The following ANK2 variants were observed in gnomAD, a reference collection of about 807,000 sequenced individuals.
The protein encoded by ANK2 is ankyrin 2.
In ANK2, 83 loss-of-function variants were observed where a neutral mutation model predicts 360.5. The ratio of observed to expected loss-of-function variants is 0.23; its 90% CI spans 0.19 to 0.28. The LOEUF (loss-of-function observed/expected upper bound fraction) is 0.28, where lower values mean the gene tolerates loss of function less well. ANK2 is among the 10% of genes least tolerant of loss of function. ANK2 has a pLI of 1.00. For synonymous variants in ANK2, 1,740 were observed against 1,759.5 expected (o/e 0.99, Z 0.28); for missense variants, 4,201 against 4,795.7 (o/e 0.88, Z 3.66).
chr4:113,237,786 T>C (rs1396926929), intron 7 of ANK2, among the ~76,000 whole-genome samples, 164 bp downstream of exon 7: 1 of 152,252 alleles, frequency 6.6e-6, no homozygotes, highest in Admixed American at 6.5e-5. Flanking sequence ...AATTCAAAGA[T>C]ATTTAGTGTA....
rs771819247 is a variant in ANK2 at position 113,382,564 on chromosome 4, T to C, written c.*1093T>C. ...TGGCCACTGCACTGTAGATAATTCA[T>C]TGGAAACAAGATTTACCCACTACAT... On this transcript the variant is annotated 3_prime_UTR_variant, in exon 46 of 46. Transcript: ENST00000357077. 4 of 152,642 alleles carry C rather than the reference T, an allele frequency of 2.6e-5. No homozygotes were observed. The highest frequency in any genetic ancestry group is 4.8e-5 in the African/African-American group (2 of 41,466). The allele number at this position is 152,642 out of a possible 1,614,324, so 9.5% of individuals were successfully genotyped here.
intron 25 of ANK2, among the ~76,000 whole-genome samples, chr4:113,318,161 A>G (rs1264686715): frequency 6.6e-6 from 1 of 152,238 alleles, no homozygotes; most frequent in Non-Finnish European, 1.5e-5. Context: ...GTTAAGTTAT[A>G]TCTTTCAATA....
Position 113,383,164 on chromosome 4 carries a change from T to C in ANK2, c.*1693T>C, listed in dbSNP as rs2097197490. The C allele has an allele frequency of 6.6e-6, 1 of 152,626 alleles. No individual in the cohort carries two copies. The highest frequency in any genetic ancestry group is 1.5e-5 in the Non-Finnish European group (1 of 68,038). 9.5% of individuals were successfully genotyped at this position (152,626 alleles called of 1,614,324 possible). A position where few individuals can be genotyped will look rare whatever the true frequency, so the allele number is the denominator to read the frequency against. On this transcript the variant is annotated 3_prime_UTR_variant, in exon 46 of 46. Coordinates refer to ENST00000357077, the MANE Select transcript of ANK2 (RefSeq NM_001148.6). ...AACATTTTCCAATTATCTGGTCTTT[T>C]CCTGTTGTGCAAAAATGACTCATTG...
chr4:113,154,218 A>G (rs530140427), intron 1 of ANK2, among the ~76,000 whole-genome samples: 73 of 152,306 alleles, frequency 4.8e-4, no homozygotes, highest in African/African-American at 1.7e-3. Context: ...TTAAACCATA[A>G]CACTTAGAAT....
the ANK2 span, among the ~76,000 whole-genome samples, chr4:112,764,912 G>T: frequency 4.7e-5 from 7 of 150,416 alleles, no homozygotes; most frequent in Admixed American, 3.3e-4. Flanking sequence ...CTCCATGTTG[G>T]TCAGGCTGGT....
At chr4:112,913,354 T>C (rs1425929354) in intron 2 of ANK2, among the ~76,000 whole-genome samples, 2 of 152,208 alleles carry the variant, frequency 1.3e-5, no homozygotes, top group Non-Finnish European at 2.9e-5. Flanking sequence ...GTCAATATTA[T>C]CAGTCTCTCT....
intron 27 of ANK2, 41 bp downstream of exon 27, chr4:113,330,511 G>A (rs2153927018): frequency 6.9e-6 from 11 of 1,591,992 alleles, no homozygotes; most frequent in Non-Finnish European, 8.6e-6. Context: ...TCATCGATGA[G>A]CTTGTGTCCT....
chr4:113,272,982 A>G (rs2059064679), intron 14 of ANK2, among the ~76,000 whole-genome samples: 1 of 152,220 alleles, frequency 6.6e-6, no homozygotes, highest in African/African-American at 2.4e-5. Flanking sequence ...ATTTATAAAT[A>G]AAAAATGTTT....
At chr4:112,832,508 C>T (rs2060028985) in intron 1 of ANK2, among the ~76,000 whole-genome samples, 1 of 152,314 alleles carries the variant, frequency 6.6e-6, no homozygotes, top group South Asian at 2.1e-4. Context: ...ATTGTATACT[C>T]TGTGCTTACT....
chr4:113,339,172 G>T, intron 31 of ANK2, 54 bp from the exon 32 acceptor site: 2 of 1,421,824 alleles, frequency 1.4e-6, no homozygotes, highest in Non-Finnish European at 2.0e-6. Flanking sequence ...CTTTATTTTA[G>T]AATCTAGAGT....
At chr4:112,950,324 C>A (rs2094856155) in intron 2 of ANK2, among the ~76,000 whole-genome samples, 1 of 152,232 alleles carries the variant, frequency 6.6e-6, no homozygotes, top group Non-Finnish European at 1.5e-5. Context: ...CAATTACATA[C>A]AGTATTTTCC....
chr4:113,256,243 A>T (rs964626415), intron 11 of ANK2, among the ~76,000 whole-genome samples: 5 of 152,236 alleles, frequency 3.3e-5, no homozygotes, highest in South Asian at 2.1e-4. Flanking sequence ...GAAAAATAGG[A>T]AATTACAAAA....
chr4:113,151,096 T>A (rs1477651278), intron 1 of ANK2: 2 of 1,289,038 alleles, frequency 1.6e-6, no homozygotes, highest in Non-Finnish European at 1.0e-6. Context: ...TGCCCCCAGA[T>A]GAAACCAGAG....
rs1450319743 is a variant in ANK2, at chr4:113,372,498, T to G, written c.11611-592T>G. ...CCAGTAGTGAAGTCATTCCTTAGCA[T>G]GTTAAACAAAGCAATGCTTCCATGC... On this transcript the variant is annotated intron_variant, in intron 43 of 45. Coordinates refer to ENST00000357077, the MANE Select transcript of ANK2 (RefSeq NM_001148.6). The G allele has an allele frequency of 3.0e-6, 4 of 1,341,328 alleles. No homozygotes were observed. The East Asian group carries it at 1.0e-4, about 33-fold the overall frequency. The allele number at this position is 1,341,328 out of a possible 1,614,324, so 83.1% of individuals were successfully genotyped here. A position where few individuals can be genotyped will look rare whatever the true frequency, so the allele number is the denominator to read the frequency against.
At chr4:113,235,903 G>A (rs1348671307) in intron 5 of ANK2, among the ~76,000 whole-genome samples, 3 of 151,676 alleles carry the variant, frequency 2.0e-5, no homozygotes, top group South Asian at 2.1e-4. Context: ...CACCACGCCC[G>A]GCTAATTTTT....
intron 2 of ANK2, among the ~76,000 whole-genome samples, chr4:112,989,729 G>A (rs2046112383): frequency 6.6e-6 from 1 of 152,192 alleles, no homozygotes; most frequent in Non-Finnish European, 1.5e-5. Flanking sequence ...GGAACTGAAG[G>A]TTTAGTAGTA....
chr4:113,018,848 G>T (rs2057336152), intron 2 of ANK2, among the ~76,000 whole-genome samples: 1 of 152,144 alleles, frequency 6.6e-6, no homozygotes, highest in African/African-American at 2.4e-5. Context: ...CTTCTGAAAG[G>T]TCGCTGATTC....
At chr4:112,750,321 G>T in the ANK2 span, among the ~76,000 whole-genome samples, 2 of 151,914 alleles carry the variant, frequency 1.3e-5, no homozygotes, top group Non-Finnish European at 2.9e-5. Flanking sequence ...AGATCGCCCC[G>T]CTGCACTCCA....
At chr4:113,208,012 C>G (rs2098974678) in intron 4 of ANK2, among the ~76,000 whole-genome samples, 1 of 152,150 alleles carries the variant, frequency 6.6e-6, no homozygotes, top group Admixed American at 6.5e-5. Flanking sequence ...GAAGCTGAAA[C>G]ATCCAGGGGA....
Sources: gnomAD v4.1 joint callset for allele counts (sites outside exome capture counted in the v4.1 genomes callset) on GRCh38, gnomAD v4.1.1 for gene constraint, MANE v1.5 for transcripts, NCBI Gene and HGNC (gene_info 2026-07-23, HGNC 2026-07-21) for gene names.